Variants in CAMK1D observed in about 807,000 individuals in gnomAD.
The protein encoded by CAMK1D is calcium/calmodulin-dependent protein kinase type 1D.
A neutral mutation model predicts 47.7 loss-of-function variants in CAMK1D; 9 were observed. The observed-to-expected ratio is 0.19, with a 90% CI of 0.11 to 0.33. The LOEUF is 0.33. Ranked by LOEUF, CAMK1D falls within the 10% of genes least tolerant of loss-of-function variation. The pLI is 1.00. For missense variants in CAMK1D, 291 were observed against 488.7 expected (o/e 0.60, Z 3.81); for synonymous variants, 184 against 184.9 (o/e 0.99, Z 0.04).
At chr10:12,600,697 ATTCTG>A (rs1838276102) in intron 2 of CAMK1D, among the ~76,000 whole-genome samples, 1 of 152,202 alleles carries the variant, frequency 6.6e-6, no homozygotes, top group Non-Finnish European at 1.5e-5. Flanking sequence ...GTAGTGGTGA[ATTCTG>A]AGCTTTTGGT....
intron 6 of CAMK1D, among the ~76,000 whole-genome samples, chr10:12,793,558 G>A (rs74404407): frequency 1.4e-3 from 218 of 152,342 alleles, no homozygotes; most frequent in African/African-American, 5.1e-3. Flanking sequence ...TCTGGAGGCT[G>A]GAAGTCCAAG....
chr10:12,612,723 G>T (rs1838667640), intron 2 of CAMK1D, among the ~76,000 whole-genome samples: 1 of 152,098 alleles, frequency 6.6e-6, no homozygotes, highest in African/African-American at 2.4e-5. Flanking sequence ...CTTTGAGCAG[G>T]TGTGTCATCA....
intron 1 of CAMK1D, among the ~76,000 whole-genome samples, chr10:12,454,353 G>A (rs539826794): frequency 1.3e-5 from 2 of 151,974 alleles, no homozygotes; most frequent in Admixed American, 6.6e-5. Context: ...TAGTAGAGAC[G>A]GGGCTTTACC....
chr10:12,543,301 G>A lies in CAMK1D; in HGVS notation c.93-9924G>A, dbSNP rs1477502309. Among the ~76,000 whole-genome samples, 5 of 152,002 alleles carry A rather than the reference G, an allele frequency of 3.3e-5. No individual in the cohort carries two copies. In the East Asian group the frequency reaches 9.6e-4, roughly 29 times the overall value. ...TGACCTCATGTGATCTAACCGCCTT[G>A]GCCTCCCAAAGTGCTGGGATTACAG... On this transcript the variant is annotated intron_variant, in intron 1 of 10. Transcript: ENST00000619168.
intron 1 of CAMK1D, among the ~76,000 whole-genome samples, chr10:12,503,287 G>T (rs1030380080): frequency 6.6e-6 from 1 of 152,168 alleles, no homozygotes; most frequent in Non-Finnish European, 1.5e-5. Flanking sequence ...TTTGCTCCTC[G>T]CCCCGCCTGA....
intron 3 of CAMK1D, among the ~76,000 whole-genome samples, chr10:12,674,887 C>G (rs887254296): frequency 7.2e-5 from 11 of 151,746 alleles, no homozygotes; most frequent in African/African-American, 2.7e-4. Context: ...CAAAAATTAG[C>G]TCGGTGTGAT....
At chr10:12,549,014 C>T (rs535688475) in intron 1 of CAMK1D, among the ~76,000 whole-genome samples, 31 of 152,164 alleles carry the variant, frequency 2.0e-4, no homozygotes, top group African/African-American at 6.8e-4. Flanking sequence ...TGCCACCACA[C>T]GCTGCTAATT....
intron 1 of CAMK1D, among the ~76,000 whole-genome samples, chr10:12,479,248 G>A (rs1458745504): frequency 1.3e-5 from 2 of 151,920 alleles, no homozygotes; most frequent in East Asian, 1.9e-4. Flanking sequence ...CTAGGCTGGA[G>A]TGCAGTGGTG....
At chr10:12,727,152 CTCA>C (rs1281977588) in intron 3 of CAMK1D, among the ~76,000 whole-genome samples, 2 of 152,204 alleles carry the variant, frequency 1.3e-5, no homozygotes, top group East Asian at 1.9e-4. Flanking sequence ...TTTGTAAAAA[CTCA>C]TCATCTGAGC....
At chr10:12,562,493 A>G (rs901094565) in intron 2 of CAMK1D, among the ~76,000 whole-genome samples, 7 of 152,050 alleles carry the variant, frequency 4.6e-5, no homozygotes, top group African/African-American at 1.5e-4. Flanking sequence ...CACCCTCACT[A>G]CCTTAATTCC....
intron 2 of CAMK1D, among the ~76,000 whole-genome samples, chr10:12,573,950 G>A (rs190935221): frequency 1.4e-5 from 2 of 146,220 alleles, no homozygotes; most frequent in South Asian, 2.2e-4. Flanking sequence ...TGCTGGGATC[G>A]CAGGTGTGAG....
rs563835128 is a variant in CAMK1D at position 12,468,460 on chromosome 10, C to A, written c.93-84765C>A. Among the ~76,000 whole-genome samples the A allele has an allele frequency of 5.3e-5, 8 of 152,318 alleles. No homozygotes were observed. In the East Asian group the frequency reaches 1.5e-3, roughly 29 times the overall value. The stretch of plus-strand genomic sequence containing the variant: ...CACAGGGGCGGAGGTGGAACTAGAA[C>A]TTTCTGGGCATTTGTTGGGATGCTG... On this transcript the variant is annotated intron_variant, in intron 1 of 10. Coordinates refer to ENST00000619168, the MANE Select transcript of CAMK1D (RefSeq NM_153498.4).
At chr10:12,495,286 AG>A (rs2132128240) in intron 1 of CAMK1D, among the ~76,000 whole-genome samples, 1 of 152,374 alleles carries the variant, frequency 6.6e-6, no homozygotes, top group South Asian at 2.1e-4. Flanking sequence ...TTTCAGATTC[AG>A]GCGAACATCC....
intron 2 of CAMK1D, among the ~76,000 whole-genome samples, chr10:12,596,878 G>A (rs1838161345): frequency 2.0e-5 from 3 of 151,728 alleles, no homozygotes; most frequent in African/African-American, 7.3e-5. Flanking sequence ...TTTTTCTTGT[G>A]GTTTTTTTAG....
At chr10:12,729,927 C>A (rs1255903488) in intron 3 of CAMK1D, among the ~76,000 whole-genome samples, 2 of 130,224 alleles carry the variant, frequency 1.5e-5, no homozygotes, top group African/African-American at 5.5e-5. Flanking sequence ...TAACAGGAGG[C>A]CTCGTCCCAT....
intron 1 of CAMK1D, among the ~76,000 whole-genome samples, chr10:12,391,645 T>C (rs556621957): frequency 6.6e-6 from 1 of 152,290 alleles, no homozygotes; most frequent in South Asian, 2.1e-4. Flanking sequence ...CAAAACACCC[T>C]AGTCGGTTAA....
chr10:12,390,062 A>T (rs1266944082), intron 1 of CAMK1D, among the ~76,000 whole-genome samples: 2 of 152,114 alleles, frequency 1.3e-5, no homozygotes, highest in Non-Finnish European at 2.9e-5. Flanking sequence ...GGACATGTGC[A>T]TGACCAATAA....
intron 2 of CAMK1D, among the ~76,000 whole-genome samples, chr10:12,608,259 A>G (rs900416079): frequency 1.3e-5 from 2 of 152,104 alleles, no homozygotes; most frequent in Non-Finnish European, 2.9e-5. Context: ...TCTCTATTAA[A>G]AATACAAAAA....
chr10:12,697,226 A>T (rs1190296825), intron 3 of CAMK1D, among the ~76,000 whole-genome samples: 1 of 152,222 alleles, frequency 6.6e-6, no homozygotes, highest in Non-Finnish European at 1.5e-5. Context: ...TCCAAGAACC[A>T]GAGCTAGAAA....
Sources: allele counts gnomAD v4.1 joint callset (sites outside exome capture counted in the v4.1 genomes callset), GRCh38; gene constraint gnomAD v4.1.1; transcripts MANE v1.5; gene names NCBI Gene and HGNC (gene_info 2026-07-23, HGNC 2026-07-21).